The following HTT variants were observed in gnomAD, a reference collection of about 807,000 sequenced individuals.
HTT encodes the protein huntingtin, also known as huntington disease protein.
A neutral mutation model predicts 362.3 loss-of-function variants in HTT; 104 were observed. The observed-to-expected ratio is 0.29, with a 90% CI of 0.24 to 0.34. The LOEUF (loss-of-function observed/expected upper bound fraction) is 0.34. HTT is among the 10% of genes least tolerant of loss of function. The pLI is 1.00. For missense variants in HTT, 3,301 were observed against 3,928.6 expected (o/e 0.84, Z 4.27); for synonymous variants, 1,577 against 1,548.7 (o/e 1.02, Z -0.43).
At chr4:3,102,455 ATGTT>A (rs1714204564) in intron 3 of HTT, among the ~76,000 whole-genome samples, 4 of 152,388 alleles carry the variant, frequency 2.6e-5, no homozygotes, top group Non-Finnish European at 2.9e-5. Flanking sequence ...GTTGAAATAA[ATGTT>A]TGTCCAATTC....
intron 40 of HTT, among the ~76,000 whole-genome samples, chr4:3,196,928 C>T (rs1719283024): frequency 1.3e-5 from 2 of 152,156 alleles, no homozygotes; most frequent in South Asian, 4.1e-4. Flanking sequence ...GTGTACACTC[C>T]ATTCTCATTG....
intron 51 of HTT, among the ~76,000 whole-genome samples, chr4:3,215,423 C>G (rs547935720): frequency 6.6e-6 from 1 of 152,238 alleles, no homozygotes; most frequent in South Asian, 2.1e-4. Flanking sequence ...CGTACACATG[C>G]GGCTGTCTCT....
intron 14 of HTT, 53 bp downstream of exon 14, chr4:3,130,476 T>A: frequency 1.0e-6 from 1 of 991,266 alleles, no homozygotes; most frequent in East Asian, 2.5e-5. Context: ...GTGTGAGGAT[T>A]TAAAATCGCC....
rs1482824982 is a variant in HTT at position 3,218,301 on chromosome 4, TC to T, written c.7242+350del. ...TTCCTTTGGAGATAATTCATGTTTTTCTACACAGTTTTGCAGTTGTCTTCAG... is the reference window on the plus strand; with the variant it reads ...TTCCTTTGGAGATAATTCATGTTTTTTACACAGTTTTGCAGTTGTCTTCAG... On this transcript the variant is annotated intron_variant, in intron 52 of 66. Coordinates refer to ENST00000355072, the MANE Select transcript of HTT (RefSeq NM_001388492.1). The surrounding 1 kb of genome is among the most constrained non-coding windows in gnomAD (Gnocchi z 4.4). 6.6e-6 allele frequency among the ~76,000 whole-genome samples: 1 copy of T among 152,230 alleles called. No individual in the cohort carries two copies. Among genetic ancestry groups the T allele is most frequent in the Non-Finnish European group, 1.5e-5 (1 of 68,044 alleles).
intron 1 of HTT, among the ~76,000 whole-genome samples, chr4:3,082,321 C>T (rs1712955523): frequency 6.6e-6 from 1 of 151,374 alleles, no homozygotes; most frequent in Non-Finnish European, 1.5e-5. Flanking sequence ...CCCATCACCT[C>T]CATTTCCTGT....
In HTT at chr4:3,186,669, C is replaced by T. The variant is rs1337469612; in HGVS notation, c.4939C>T (p.Arg1647Cys). The T allele has an allele frequency of 4.3e-6, 7 of 1,613,740 alleles. No individual in the cohort carries two copies. Among genetic ancestry groups the T allele is most frequent in the Non-Finnish European group, 4.2e-6 (5 of 1,179,762 alleles). The change falls in exon 38 of 67, where the codon CGT (arginine) becomes TGT (cysteine). Residue 1647 changes from arginine (R) to cysteine (C), a missense_variant. Arg to Cys is a radical substitution (Grantham distance 180). Coordinates refer to ENST00000355072, the MANE Select transcript of HTT (RefSeq NM_001388492.1). ...TGAGATTTTGGCCCCTTCCTCCCTC[C>T]GTCCGGTAGACATGCTTTTACGGAG... ...LFEILAPSSL[R>C]PVDMLLRSMF...
chr4:3,163,772 C>G (rs1022530279), intron 29 of HTT, among the ~76,000 whole-genome samples: 7 of 152,206 alleles, frequency 4.6e-5, no homozygotes, highest in African/African-American at 1.7e-4. Flanking sequence ...GTGATATCCC[C>G]TTTATCGTTT....
intron 66 of HTT, 82 bp downstream of exon 66, chr4:3,239,060 C>T (rs1454927210): frequency 1.4e-6 from 2 of 1,405,238 alleles, no homozygotes; most frequent in African/African-American, 2.9e-5. Flanking sequence ...GTTTTGAAAC[C>T]TAACCTTTGC....
intron 1 of HTT, among the ~76,000 whole-genome samples, chr4:3,083,526 A>AATATATAT (rs141494195): frequency 0.032 from 2,646 of 81,684 alleles, 90 homozygotes; most frequent in East Asian, 0.06. Context: ...CCTGTCTCTA[A>AATATATAT]ATATACACAC....
chr4:3,122,794 A>G (rs1715353450), intron 9 of HTT, 95 bp from the exon 10 acceptor site: 4 of 929,620 alleles, frequency 4.3e-6, no homozygotes, highest in Non-Finnish European at 5.0e-6. Context: ...CATTTTCTCT[A>G]GTTTTAAAGT....
intron 45 of HTT, 72 bp from the exon 46 acceptor site, chr4:3,208,701 C>T (rs932009314): frequency 1.2e-5 from 17 of 1,376,206 alleles, no homozygotes; most frequent in African/African-American, 1.5e-5. Flanking sequence ...TCCTAGTGTG[C>T]AGAGTTTAGA....
intron 47 of HTT, 155 bp from the exon 48 acceptor site, chr4:3,211,774 A>G: frequency 1.7e-6 from 1 of 596,696 alleles, no homozygotes; most frequent in Non-Finnish European, 3.0e-6. Context: ...ACAGGCATAG[A>G]GTAGAATTTT....
chr4:3,215,363 T>G, intron 51 of HTT, 152 bp downstream of exon 51: 1 of 618,184 alleles, frequency 1.6e-6, no homozygotes, highest in South Asian at 2.0e-5. Flanking sequence ...TCAGGGAGGC[T>G]GTAGTCCATT....
intron 21 of HTT, among the ~76,000 whole-genome samples, chr4:3,136,703 TG>T (rs1716082152): frequency 6.6e-6 from 1 of 152,166 alleles, no homozygotes; most frequent in African/African-American, 2.4e-5. Context: ...CAAAATTACA[TG>T]CAATTTTGTA....
rs1431048200 is a variant in HTT at position 3,217,862 on chromosome 4, G to C, written c.7152G>C (p.Val2384=). Residue 2384 remains valine (V), a synonymous_variant, in exon 52 of 67, where the codon GTG becomes GTC. Coordinates refer to ENST00000355072, the MANE Select transcript of HTT (RefSeq NM_001388492.1). Reference sequence around the variant, plus strand: ...TGGGTCATAAAAGGAATAGCGGCGTGCCGGCGTTTCTCACGCCATTGCTAA... The same window carrying C: ...TGGGTCATAAAAGGAATAGCGGCGTCCCGGCGTTTCTCACGCCATTGCTAA... ...LALGHKRNSG[V]PAFLTPLLRN... is the part of the protein sequence containing the mutation. The C allele has an allele frequency of 6.2e-7, 1 of 1,614,044 alleles. No homozygotes were observed. The highest frequency in any genetic ancestry group is 8.5e-7 in the Non-Finnish European group (1 of 1,179,986).
Position 3,228,578 on chromosome 4 carries a change from G to A in HTT, c.7849-37G>A, listed in dbSNP as rs1488358170. 1 of 1,517,154 alleles carries A rather than the reference G, an allele frequency of 6.6e-7. No individual in the cohort carries two copies. The highest frequency in any genetic ancestry group is 2.3e-5 in the East Asian group (1 of 43,856). 94.0% of individuals were successfully genotyped at this position (1,517,154 alleles called of 1,614,324 possible). ...CCACCCACCAGGAGCCTGGCACTGT[G>A]GCCGCAGCACTGAGCAGTGCCCCGT... On this transcript the variant is annotated intron_variant, in intron 57 of 66. Coordinates refer to ENST00000355072, the MANE Select transcript of HTT (RefSeq NM_001388492.1). The surrounding 1 kb of genome is among the most constrained non-coding windows in gnomAD (Gnocchi z 4.3).
intron 2 of HTT, among the ~76,000 whole-genome samples, chr4:3,089,773 T>C (rs1044928080): frequency 6.6e-6 from 1 of 152,204 alleles, no homozygotes; most frequent in African/African-American, 2.4e-5. Flanking sequence ...TGGCTTATAT[T>C]CATATATTAG....
In HTT at chr4:3,154,370, A is replaced by T; in HGVS notation, c.3576A>T (p.Glu1192Asp). The change falls in exon 27 of 67, where the codon GAA (glutamate) becomes GAT (aspartate). Residue 1192 changes from glutamate (E) to aspartate (D), a missense_variant. By Grantham distance (45) the Glu-to-Asp change is conservative (BLOSUM62 2). Transcript: ENST00000355072. The part of the protein sequence containing the change: ...RRKGKEKEPG[E>D]QASVPLSPKK... ...AGGGGAAGGAGAAAGAACCAGGAGAACAAGCATCTGTACCGTTGAGTCCCA... is the reference window on the plus strand; with the variant it reads ...AGGGGAAGGAGAAAGAACCAGGAGATCAAGCATCTGTACCGTTGAGTCCCA... The T allele has an allele frequency of 1.2e-6, 2 of 1,613,942 alleles. No individual in the cohort carries two copies. The highest frequency in any genetic ancestry group is 1.7e-6 in the Non-Finnish European group (2 of 1,179,926).
At chr4:3,194,320 A>G (rs1311910033) in intron 40 of HTT, among the ~76,000 whole-genome samples, 3 of 152,122 alleles carry the variant, frequency 2.0e-5, no homozygotes, top group African/African-American at 4.8e-5. Context: ...TGCCTATTTC[A>G]CATTCCATCT....
Sources: allele counts gnomAD v4.1 joint callset (sites outside exome capture counted in the v4.1 genomes callset), GRCh38; gene constraint gnomAD v4.1.1; non-coding constraint Gnocchi (gnomAD v3.1); transcripts MANE v1.5; gene names NCBI Gene and HGNC (gene_info 2026-07-23, HGNC 2026-07-21).